The following FAM107B variants were observed in gnomAD, a reference collection of about 807,000 sequenced individuals.
FAM107B encodes family with sequence similarity 107 member B.
In FAM107B, 21 loss-of-function variants were observed where a neutral mutation model predicts 31.5. That is an observed-to-expected ratio of 0.67 (90% confidence interval 0.47 to 0.96). The LOEUF (loss-of-function observed/expected upper bound fraction) is 0.96. Ranked by LOEUF, FAM107B falls within the 40% of genes least tolerant of loss-of-function variation. The pLI, the probability that FAM107B is intolerant of heterozygous loss-of-function variation, is 0.00. For synonymous variants in FAM107B, 157 were observed against 141.5 expected (o/e 1.11, Z -0.78); for missense variants, 452 against 377.1 (o/e 1.20, Z -1.64).
intron 2 of FAM107B, among the ~76,000 whole-genome samples, chr10:14,639,194 C>T (rs1222454354): frequency 1.3e-5 from 2 of 151,914 alleles, no homozygotes; most frequent in Non-Finnish European, 2.9e-5. Flanking sequence ...ACCCTGTTTC[C>T]AAAATAATAA....
chr10:14,604,165 G>A (rs1852506390), intron 2 of FAM107B: 3 of 939,958 alleles, frequency 3.2e-6, no homozygotes, highest in Admixed American at 6.4e-5. Context: ...CGGAGCCGGG[G>A]TCGGGCAGGG....
chr10:14,710,124 G>A (rs1252374299), intron 1 of FAM107B, among the ~76,000 whole-genome samples: 1 of 152,062 alleles, frequency 6.6e-6, no homozygotes, highest in South Asian at 2.1e-4. Context: ...TACTTCAAAT[G>A]TATCACACTA....
chr10:14,656,547 T>C (rs962165796), intron 2 of FAM107B, among the ~76,000 whole-genome samples: 7 of 152,158 alleles, frequency 4.6e-5, no homozygotes, highest in Admixed American at 3.9e-4. Flanking sequence ...GCAATACAAG[T>C]TCTTCTTTTT....
chr10:14,584,961 G>A (rs577794767), intron 2 of FAM107B, among the ~76,000 whole-genome samples: 99 of 152,180 alleles, frequency 6.5e-4, no homozygotes, highest in Non-Finnish European at 1.3e-3. Flanking sequence ...GGCACAGGGT[G>A]TAACTTTGTA....
At chr10:14,718,710 A>G (rs538807132) in intron 1 of FAM107B, among the ~76,000 whole-genome samples, 1 of 152,346 alleles carries the variant, frequency 6.6e-6, no homozygotes, top group Non-Finnish European at 1.5e-5. Flanking sequence ...CCACACTTCC[A>G]AAGAAGAAAT....
chr10:14,704,909 A>C (rs1021918260), intron 1 of FAM107B, among the ~76,000 whole-genome samples: 1 of 151,012 alleles, frequency 6.6e-6, no homozygotes, highest in Admixed American at 6.6e-5. Context: ...CTGTAATCCC[A>C]GTTACTTGGG....
intron 1 of FAM107B, among the ~76,000 whole-genome samples, chr10:14,713,384 A>G (rs1397442054): frequency 1.9e-4 from 29 of 152,222 alleles, no homozygotes; most frequent in Non-Finnish European, 4.3e-4. Flanking sequence ...ATTATAGCCC[A>G]AGATTCAAGG....
At position 14,709,569 on chromosome 10, in the gene FAM107B, T is replaced by G. The variant is rs528446517; in HGVS notation, c.412-41878A>C. Among the ~76,000 whole-genome samples, 4 of 152,300 alleles carry G rather than the reference T, an allele frequency of 2.6e-5. No homozygotes were observed. In the East Asian group the frequency reaches 7.7e-4, roughly 29 times the overall value. On this transcript the variant is annotated intron_variant, in intron 1 of 4. Transcript: ENST00000181796. ...CATGATTCAATTACCTCCCACGTGG[T>G]TCTTCCCACAACATGTGGCAATTGT...
At chr10:14,592,556 G>A (rs1338901484) in intron 2 of FAM107B, among the ~76,000 whole-genome samples, 1 of 152,176 alleles carries the variant, frequency 6.6e-6, no homozygotes, top group Non-Finnish European at 1.5e-5. Flanking sequence ...GGGTTTTGTA[G>A]TTTGGCTTTG....
At chr10:14,582,753 A>T (rs916744607) in intron 2 of FAM107B, among the ~76,000 whole-genome samples, 1 of 152,134 alleles carries the variant, frequency 6.6e-6, no homozygotes, top group South Asian at 2.1e-4. Flanking sequence ...TTATTACTGT[A>T]TAACTCTATG....
At chr10:14,682,249 C>G (rs1854854119) in intron 1 of FAM107B, among the ~76,000 whole-genome samples, 1 of 152,234 alleles carries the variant, frequency 6.6e-6, no homozygotes. Flanking sequence ...GAAGCTTGGG[C>G]TGGCTGTGGT....
At chr10:14,645,623 A>G (rs770987662) in intron 2 of FAM107B, among the ~76,000 whole-genome samples, 1 of 152,228 alleles carries the variant, frequency 6.6e-6, no homozygotes, top group Non-Finnish European at 1.5e-5. Context: ...TCTCTCCCAG[A>G]GGGCTTGGCT....
chr10:14,767,028 A>G (rs112491389), intron 1 of FAM107B, among the ~76,000 whole-genome samples: 658 of 21,060 alleles, frequency 0.031, 19 homozygotes, highest in African/African-American at 0.069. Flanking sequence ...GTGTATGTAT[A>G]TATATATATA....
intron 2 of FAM107B, chr10:14,548,372 C>T (rs533669344): frequency 4.1e-6 from 4 of 971,990 alleles, no homozygotes; most frequent in South Asian, 4.8e-5. Context: ...CTCCTGCCAG[C>T]TCCAGGGGAG....
chr10:14,578,049 C>T (rs1216622776), intron 2 of FAM107B, among the ~76,000 whole-genome samples: 2 of 152,258 alleles, frequency 1.3e-5, no homozygotes, highest in African/African-American at 2.4e-5. Context: ...CTTCACAGGG[C>T]TCTCAACCTC....
At chr10:14,714,641 A>G (rs1855741012) in intron 1 of FAM107B, among the ~76,000 whole-genome samples, 1 of 152,108 alleles carries the variant, frequency 6.6e-6, no homozygotes, top group South Asian at 2.1e-4. Flanking sequence ...TCCCTTATAC[A>G]TCCAGACTCA....
rs1855443495 is a variant in FAM107B at position 14,703,237 on chromosome 10, G to GACAAATTTTTC, written c.412-35547_412-35546insGAAAAATTTGT. ...AGCCTTTGTCAGTTGATTTTTCAATGAACCCTCCAAGGGCAAAGGGAAAGA... is the reference window on the plus strand; with the variant it reads ...AGCCTTTGTCAGTTGATTTTTCAATGACAAATTTTTCAACCCTCCAAGGGCAAAGGGAAAGA... On this transcript the variant is annotated intron_variant, in intron 1 of 4. Transcript: ENST00000181796. 5.9e-5 allele frequency among the ~76,000 whole-genome samples: 9 copies of GACAAATTTTTC among 151,910 alleles called. No homozygotes were observed. The South Asian group carries it at 1.9e-3, about 32-fold the overall frequency.
rs1228523733 is a variant in FAM107B at position 14,672,083 on chromosome 10, CTTTT to C, written c.412-4396_412-4393del. On this transcript the variant is annotated intron_variant, in intron 1 of 4. Coordinates refer to ENST00000181796, the MANE Select transcript of FAM107B (RefSeq NM_031453.4). ...CCTGCCATCATGAGTTTTTTTCTTT[CTTTT>C]TATTTTTTATTTATTTATTTTTTTT... 2.1e-4 allele frequency among the ~76,000 whole-genome samples: 26 copies of C among 125,374 alleles called. No homozygotes were observed. In the Middle Eastern group the frequency reaches 0.012, roughly 58 times the overall value. The allele number at this position is 125,374 out of a possible 152,430, so 82.3% of individuals were successfully genotyped here. A position where few individuals can be genotyped will look rare whatever the true frequency, so the allele number is the denominator to read the frequency against.
intron 1 of FAM107B, among the ~76,000 whole-genome samples, chr10:14,771,482 T>C (rs1833301068): frequency 6.6e-6 from 1 of 152,194 alleles, no homozygotes; most frequent in South Asian, 2.1e-4. Flanking sequence ...ACAGGAATTG[T>C]AATGTTCTCA....
Sources: gnomAD v4.1 joint callset for allele counts (sites outside exome capture counted in the v4.1 genomes callset) on GRCh38, gnomAD v4.1.1 for gene constraint, MANE v1.5 for transcripts, NCBI Gene and HGNC (gene_info 2026-07-23, HGNC 2026-07-21) for gene names.